The following SH3GL2 variants were observed in gnomAD, a reference collection of about 807,000 sequenced individuals.
SH3GL2 encodes the protein SH3 domain containing GRB2 like 2, endophilin A1, also known as endophilin-A1.
In SH3GL2, 24 loss-of-function variants were observed where a neutral mutation model predicts 46.0. That is an observed-to-expected ratio of 0.52 (90% confidence interval 0.38 to 0.73). SH3GL2 has a LOEUF of 0.73. Among genes scored for constraint, SH3GL2 ranks in the 30% least tolerant of loss-of-function variants. The pLI, the probability that SH3GL2 is intolerant of heterozygous loss-of-function variation, is 0.00. For synonymous variants in SH3GL2, 196 were observed against 147.1 expected, an observed-to-expected ratio of 1.33 and a Z score of -2.40; for missense variants, 413 against 424.2, an observed-to-expected ratio of 0.97 and a Z score of 0.23.
At chr9:17,617,370 C>T (rs748106005) in intron 1 of SH3GL2, among the ~76,000 whole-genome samples, 2 of 152,168 alleles carry the variant, frequency 1.3e-5, no homozygotes, top group Non-Finnish European at 2.9e-5. Flanking sequence ...ATCATTGTTT[C>T]CCAGTGCTCC....
At chr9:17,612,206 A>G (rs1439493345) in intron 1 of SH3GL2, among the ~76,000 whole-genome samples, 1 of 152,172 alleles carries the variant, frequency 6.6e-6, no homozygotes, top group Admixed American at 6.5e-5. Flanking sequence ...AGGAACAGGA[A>G]CAGAAGGCAC....
At chr9:17,756,595 A>C (rs960638057) in intron 2 of SH3GL2, among the ~76,000 whole-genome samples, 6 of 150,684 alleles carry the variant, frequency 4.0e-5, no homozygotes, top group Non-Finnish European at 7.4e-5. Flanking sequence ...TTGTCCTTGC[A>C]ATAGTTTGCT....
chr9:17,714,737 GT>G (rs1821710092), intron 1 of SH3GL2, among the ~76,000 whole-genome samples: 1 of 151,626 alleles, frequency 6.6e-6, no homozygotes, highest in South Asian at 2.1e-4. Context: ...CATAGTTGTT[GT>G]TTTTGTTTGA....
chr9:17,770,326 A>T (rs919185353), intron 3 of SH3GL2, among the ~76,000 whole-genome samples: 1 of 152,208 alleles, frequency 6.6e-6, no homozygotes, highest in African/African-American at 2.4e-5. Flanking sequence ...CGAACTATAC[A>T]ACAGAACAGC....
intron 3 of SH3GL2, among the ~76,000 whole-genome samples, chr9:17,772,157 G>A (rs1823503272): frequency 6.6e-6 from 1 of 152,084 alleles, no homozygotes; most frequent in Non-Finnish European, 1.5e-5. Flanking sequence ...ATCACATGTT[G>A]CCAAAATGAA....
At chr9:17,684,522 G>C (rs780091034) in intron 1 of SH3GL2, among the ~76,000 whole-genome samples, 24 of 152,190 alleles carry the variant, frequency 1.6e-4, no homozygotes, top group Non-Finnish European at 3.2e-4. Flanking sequence ...TGAGTCAATA[G>C]TGTGGTATAA....
At chr9:17,684,953 C>T (rs1333329362) in intron 1 of SH3GL2, among the ~76,000 whole-genome samples, 1 of 152,150 alleles carries the variant, frequency 6.6e-6, no homozygotes, top group South Asian at 2.1e-4. Flanking sequence ...TTGATCTGAA[C>T]TGACAACTGC....
At chr9:17,770,629 C>T (rs537394188) in intron 3 of SH3GL2, among the ~76,000 whole-genome samples, 1 of 152,326 alleles carries the variant, frequency 6.6e-6, no homozygotes, top group South Asian at 2.1e-4. Flanking sequence ...TGGTGCATCA[C>T]TCCCATGACC....
intron 1 of SH3GL2, among the ~76,000 whole-genome samples, chr9:17,595,490 C>G (rs1818554101): frequency 6.6e-6 from 1 of 152,140 alleles, no homozygotes; most frequent in Non-Finnish European, 1.5e-5. Flanking sequence ...GGAGTGTAAA[C>G]TGTTAAAACA....
intron 3 of SH3GL2, among the ~76,000 whole-genome samples, chr9:17,762,196 C>G (rs969016956): frequency 2.0e-5 from 3 of 152,066 alleles, no homozygotes; most frequent in Non-Finnish European, 4.4e-5. Flanking sequence ...CAGTTTCTAA[C>G]CACAGGGCAC....
intron 1 of SH3GL2, among the ~76,000 whole-genome samples, chr9:17,650,769 T>G (rs779027600): frequency 3.3e-5 from 5 of 152,220 alleles, no homozygotes; most frequent in Non-Finnish European, 5.9e-5. Flanking sequence ...GTGAACATAT[T>G]AATTAACTTG....
chr9:17,668,769 A>G (rs2209434), intron 1 of SH3GL2, among the ~76,000 whole-genome samples: 82,532 of 151,992 alleles, frequency 0.54, 23,616 homozygotes, highest in African/African-American at 0.71. Flanking sequence ...TGATCCTCCT[A>G]CCTCAGCCTC....
intron 3 of SH3GL2, among the ~76,000 whole-genome samples, chr9:17,782,222 T>C (rs1823829920): frequency 6.6e-6 from 1 of 152,164 alleles, no homozygotes; most frequent in Non-Finnish European, 1.5e-5. Context: ...TTTAATCTTT[T>C]TTAAACTCCT....
intron 8 of SH3GL2, among the ~76,000 whole-genome samples, chr9:17,793,821 T>C (rs1478938278): frequency 6.6e-6 from 1 of 152,244 alleles, no homozygotes; most frequent in Non-Finnish European, 1.5e-5. Context: ...GTCAGTTTGG[T>C]CTGCGAGTGT....
rs781615070 is a variant in SH3GL2 at position 17,658,237 on chromosome 9, G to A, written c.45+78950G>A. Reference sequence around the variant, plus strand: ...AAAACCCCAGTCTAGAGCATCTGCCGTTGTCCCCTCAGATGGGTACCTACT... The same window carrying A: ...AAAACCCCAGTCTAGAGCATCTGCCATTGTCCCCTCAGATGGGTACCTACT... On this transcript the variant is annotated intron_variant, in intron 1 of 8. Coordinates refer to ENST00000380607, the MANE Select transcript of SH3GL2 (RefSeq NM_003026.5). Among the ~76,000 whole-genome samples, 6 of 152,286 alleles carry A rather than the reference G, an allele frequency of 3.9e-5. 1 individual carries two copies. In the South Asian group the frequency reaches 6.2e-4, roughly 16 times the overall value.
At position 17,785,155 on chromosome 9, in the gene SH3GL2, C is replaced by G. The variant is rs369651941; in HGVS notation, c.188-1226C>G. ...CTGCTACATACTGTTTGGATCTAAACTTAAAGATACTTCCCTCCAGGAATC... is the reference window on the plus strand; with the variant it reads ...CTGCTACATACTGTTTGGATCTAAAGTTAAAGATACTTCCCTCCAGGAATC... On this transcript the variant is annotated intron_variant, in intron 3 of 8. Transcript: ENST00000380607. 9.6e-4 allele frequency among the ~76,000 whole-genome samples: 146 copies of G among 152,330 alleles called. 1 individual carries two copies. In the South Asian group the frequency reaches 0.029, roughly 30 times the overall value.
chr9:17,661,147 G>A (rs1820202005), intron 1 of SH3GL2, among the ~76,000 whole-genome samples: 2 of 152,170 alleles, frequency 1.3e-5, no homozygotes, highest in Admixed American at 1.3e-4. Context: ...GGGCAACAGA[G>A]TAAGACTCCG....
chr9:17,790,362 T>C lies in SH3GL2; in HGVS notation c.624+812T>C, dbSNP rs187283552. On this transcript the variant is annotated intron_variant, in intron 6 of 8. Coordinates refer to ENST00000380607, the MANE Select transcript of SH3GL2 (RefSeq NM_003026.5). ...CTGGGGATCCCTTAATCTAGTCAAG[T>C]TGTCACCTAAAATTAACCATCACAT... The C allele has an allele frequency of 7.0e-5, 59 of 844,706 alleles. No homozygotes were observed. In the East Asian group the frequency reaches 3.9e-3, roughly 56 times the overall value. 52.3% of individuals were successfully genotyped at this position (844,706 alleles called of 1,614,324 possible). A position where few individuals can be genotyped will look rare whatever the true frequency, so the allele number is the denominator to read the frequency against.
chr9:17,669,496 G>T (rs1820421585), intron 1 of SH3GL2, among the ~76,000 whole-genome samples: 1 of 152,114 alleles, frequency 6.6e-6, no homozygotes, highest in South Asian at 2.1e-4. Flanking sequence ...TGTCATTTTA[G>T]TGGCATTAGA....
Sources: gnomAD v4.1 joint callset for allele counts (sites outside exome capture counted in the v4.1 genomes callset) on GRCh38, gnomAD v4.1.1 for gene constraint, MANE v1.5 for transcripts, NCBI Gene and HGNC (gene_info 2026-07-23, HGNC 2026-07-21) for gene names.